Variants in MON2 observed in about 807,000 individuals in gnomAD.
MON2 encodes protein MON2 homolog.
MON2 carries 84 observed loss-of-function variants against 208.6 expected under a neutral mutation model. The ratio of observed to expected loss-of-function variants is 0.40; its 90% confidence interval spans 0.34 to 0.48. The LOEUF (loss-of-function observed/expected upper bound fraction) is 0.48. MON2 is among the 20% of genes least tolerant of loss of function. MON2 has a pLI of 0.59. For missense variants in MON2, 1,611 were observed against 2,015.4 expected (o/e 0.80, Z 3.84); for synonymous variants, 660 against 694.0 (o/e 0.95, Z 0.77).
intron 25 of MON2, among the ~76,000 whole-genome samples, chr12:62,557,817 C>T (rs918916734): frequency 1.3e-5 from 2 of 149,792 alleles, no homozygotes; most frequent in Non-Finnish European, 3.0e-5. Context: ...ATAAAATTTA[C>T]GTACAGTGAA....
At chr12:62,545,105 G>T in intron 21 of MON2, 97 bp downstream of exon 21, 1 of 717,638 alleles carries the variant, frequency 1.4e-6, no homozygotes. Context: ...TATTCTAAGA[G>T]TAGGGTTTTT....
intron 29 of MON2, among the ~76,000 whole-genome samples, chr12:62,566,887 A>C (rs537311603): frequency 2.6e-5 from 4 of 152,052 alleles, no homozygotes; most frequent in African/African-American, 9.7e-5. Flanking sequence ...AAGTATAATT[A>C]AAAAAAATTT....
In MON2 at chr12:62,532,486, C is replaced by T. The variant is rs751550436; in HGVS notation, c.1449C>T (p.Tyr483=). The change falls in exon 12 of 35, where the codon TAC becomes TAT. Residue 483 remains tyrosine (Y), a synonymous_variant. Coordinates refer to ENST00000393630, the MANE Select transcript of MON2 (RefSeq NM_015026.3). ...AGCCTCCAACTATACCTGAAGGTTACGCCATGTCTGTGGCATTCCATTGTT... is the reference window on the plus strand; with the variant it reads ...AGCCTCCAACTATACCTGAAGGTTATGCCATGTCTGTGGCATTCCATTGTT... ...KVEPPTIPEG[Y]AMSVAFHCLL... 1.3e-5 allele frequency: 21 copies of T among 1,613,944 alleles called. No homozygotes were observed. The highest frequency in any genetic ancestry group is 8.9e-5 in the East Asian group (4 of 44,888).
At chr12:62,531,430 T>C (rs2072637937) in intron 11 of MON2, among the ~76,000 whole-genome samples, 1 of 152,218 alleles carries the variant, frequency 6.6e-6, no homozygotes, top group Non-Finnish European at 1.5e-5. Flanking sequence ...CTCTTCTGCA[T>C]GTGAATATCC....
intron 12 of MON2, among the ~76,000 whole-genome samples, chr12:62,533,167 G>A (rs1256296553): frequency 6.6e-6 from 1 of 152,096 alleles, no homozygotes. Flanking sequence ...ATTACATTCA[G>A]CTTATTCATT....
intron 1 of MON2, among the ~76,000 whole-genome samples, chr12:62,472,650 A>C (rs564445244): frequency 2.6e-5 from 4 of 152,294 alleles, no homozygotes; most frequent in Non-Finnish European, 5.9e-5. Context: ...TTACTGTGAC[A>C]GGATTTGCCA....
intron 12 of MON2, among the ~76,000 whole-genome samples, chr12:62,534,446 G>A (rs1245452480): frequency 4.2e-5 from 6 of 143,580 alleles, no homozygotes; most frequent in Admixed American, 7.1e-5. Flanking sequence ...TTGAACCCAG[G>A]AGGCGAAGGT....
chr12:62,490,314 A>T (rs2070045890), intron 2 of MON2, among the ~76,000 whole-genome samples: 1 of 152,012 alleles, frequency 6.6e-6, no homozygotes, highest in African/African-American at 2.4e-5. Flanking sequence ...CATTAAAAAG[A>T]ATCAGCTTTT....
Position 62,588,155 on chromosome 12 carries a change from TG to T in MON2, c.4990+1del. ...CACTTAAGAAAACTCAGCCTGAGAA[TG>T]GTAAGTGCTTAGAAACAGTTATTCT... ...DSLKKTQPENVDGNTWAQVIA... is the reference protein window; with the variant it reads ...DSLKKTQPENXDGNTWAQVIA... On this transcript the variant is annotated frameshift_variant and splice_region_variant, in exon 34 of 35. Coordinates refer to ENST00000393630, the MANE Select transcript of MON2 (RefSeq NM_015026.3). LOFTEE classifies it high-confidence loss of function. 2 of 1,553,524 alleles carry T rather than the reference TG, an allele frequency of 1.3e-6. No individual in the cohort carries two copies. Among genetic ancestry groups the T allele is most frequent in the Non-Finnish European group, 1.8e-6 (2 of 1,131,290 alleles).
intron 2 of MON2, 35 bp from the exon 3 acceptor site, chr12:62,493,874 ATTAATT>A: frequency 2.2e-6 from 3 of 1,358,376 alleles, no homozygotes; most frequent in East Asian, 2.6e-5. Context: ...TTAATTATAG[ATTAATT>A]TTAATAATTT....
chr12:62,557,943 TATATATA>T (rs2074038217), intron 25 of MON2, among the ~76,000 whole-genome samples: 14 of 38,168 alleles, frequency 3.7e-4, no homozygotes, highest in South Asian at 1.1e-3. Flanking sequence ...TATATATATA[TATATATA>T]TATATATATA....
At chr12:62,492,889 G>C (rs1287720670) in intron 2 of MON2, among the ~76,000 whole-genome samples, 1 of 151,748 alleles carries the variant, frequency 6.6e-6, no homozygotes, top group African/African-American at 2.4e-5. Flanking sequence ...TGAGGCAGGA[G>C]AATCACTTGA....
chr12:62,529,851 A>T (rs993856535), intron 11 of MON2, among the ~76,000 whole-genome samples: 5 of 152,038 alleles, frequency 3.3e-5, no homozygotes, highest in Non-Finnish European at 7.4e-5. Flanking sequence ...ATGCAACATA[A>T]TTTTTTTCAA....
At chr12:62,502,394 C>T (rs2070887292) in intron 7 of MON2, among the ~76,000 whole-genome samples, 1 of 149,428 alleles carries the variant, frequency 6.7e-6, no homozygotes, top group Admixed American at 6.6e-5. Flanking sequence ...GAGCGAGACC[C>T]CATTTCTTAA....
chr12:62,581,951 G>A (rs1158152952), intron 32 of MON2, among the ~76,000 whole-genome samples: 3 of 152,168 alleles, frequency 2.0e-5, no homozygotes, highest in African/African-American at 7.2e-5. Flanking sequence ...GCATTTATGT[G>A]TACAGTTTGA....
intron 7 of MON2, among the ~76,000 whole-genome samples, chr12:62,503,142 A>G (rs1351295908): frequency 6.6e-6 from 1 of 152,150 alleles, no homozygotes; most frequent in African/African-American, 2.4e-5. Flanking sequence ...ACATATTAAT[A>G]TTCTCTTTTA....
At position 62,552,949 on chromosome 12, in the gene MON2, A is replaced by G; in HGVS notation, c.2985A>G (p.Ala995=). The G allele has an allele frequency of 6.2e-7, 1 of 1,614,180 alleles. No homozygotes were observed. The highest frequency in any genetic ancestry group is 8.5e-7 in the Non-Finnish European group (1 of 1,179,986). ...AAAAAGAACTAAATAAGGAAGAGGC[A>G]GCACAGCAAAAGCAGGCAGAAGAGA... ...TIEKELNKEE[A]AQQKQAEEKG... Residue 995 remains alanine, a synonymous_variant, in exon 24 of 35, where the codon GCA becomes GCG. Coordinates refer to ENST00000393630, the MANE Select transcript of MON2 (RefSeq NM_015026.3).
In MON2 at chr12:62,594,164, TG is replaced by T. The variant is rs1210420687; in HGVS notation, c.*1417del. 1 of 152,160 alleles carries T rather than the reference TG, an allele frequency of 6.6e-6. No individual in the cohort carries two copies. The highest frequency in any genetic ancestry group is 2.4e-5 in the African/African-American group (1 of 41,462). The allele number at this position is 152,160 out of a possible 1,614,324, so 9.4% of individuals were successfully genotyped here. A position where few individuals can be genotyped will look rare whatever the true frequency, so the allele number is the denominator to read the frequency against. On this transcript the variant is annotated 3_prime_UTR_variant, in exon 35 of 35. Coordinates refer to ENST00000393630, the MANE Select transcript of MON2 (RefSeq NM_015026.3). ...AATGATTATTCATAAGAAATCATGA[TG>T]GTCTCAGTATTATTTTAGTGTATTG...
intron 5 of MON2, 38 bp downstream of exon 5, chr12:62,499,086 C>G (rs967085308): frequency 1.9e-6 from 3 of 1,596,080 alleles, no homozygotes; most frequent in Non-Finnish European, 2.6e-6. Flanking sequence ...GTGGGTGGTT[C>G]TTGGATGATT....
Sources: allele counts gnomAD v4.1 joint callset (sites outside exome capture counted in the v4.1 genomes callset), GRCh38; gene constraint gnomAD v4.1.1; transcripts MANE v1.5; gene names NCBI Gene and HGNC (gene_info 2026-07-23, HGNC 2026-07-21).